The following CLVS1 variants were observed in gnomAD, a reference collection of about 807,000 sequenced individuals.
The protein encoded by CLVS1 is clavesin 1.
A neutral mutation model predicts 33.1 loss-of-function variants in CLVS1; 10 were observed. That is an observed-to-expected ratio of 0.30 (90% CI 0.19 to 0.51). The LOEUF is 0.51. Among genes scored for constraint, CLVS1 ranks in the 20% least tolerant of loss-of-function variants. The pLI, the probability that CLVS1 is intolerant of heterozygous loss-of-function variation, is 0.97. For missense variants in CLVS1, 343 were observed against 433.4 expected (o/e 0.79, Z 1.85); for synonymous variants, 163 against 166.1 (o/e 0.98, Z 0.14).
Position 61,075,411 on chromosome 8 carries a change from A to C in CLVS1, c.-243+18181A>C, listed in dbSNP as rs373659793. Among the ~76,000 whole-genome samples the C allele has an allele frequency of 3.7e-4, 57 of 152,304 alleles. No homozygotes were observed. The South Asian group carries it at 0.012, about 32-fold the overall frequency. Reference sequence around the variant, plus strand: ...CCATAAGCACCCTCCAGTGTTGACAAAGCTCCAACATCTGCAAAGGCTGAA... The same window carrying C: ...CCATAAGCACCCTCCAGTGTTGACACAGCTCCAACATCTGCAAAGGCTGAA... On this transcript the variant is annotated intron_variant, in intron 1 of 2. Coordinates refer to the CLVS1 transcript ENST00000522621.
chr8:61,306,021 C>A (rs1810613503), intron 2 of CLVS1, among the ~76,000 whole-genome samples: 1 of 152,134 alleles, frequency 6.6e-6, no homozygotes, highest in Non-Finnish European at 1.5e-5. Context: ...GTGTCTTTAA[C>A]AGAATGATTT....
At chr8:61,461,942 C>T (rs750670152) in intron 5 of CLVS1, among the ~76,000 whole-genome samples, 3 of 150,360 alleles carry the variant, frequency 2.0e-5, no homozygotes, top group Non-Finnish European at 4.5e-5. Flanking sequence ...ATTTTGTTTT[C>T]ATCTTTATTT....
intron 2 of CLVS1, among the ~76,000 whole-genome samples, chr8:61,227,319 G>A (rs994580260): frequency 2.7e-5 from 4 of 149,916 alleles, no homozygotes; most frequent in African/African-American, 4.9e-5. Context: ...AATATGTTGA[G>A]GTCTTATAAT....
At chr8:61,266,618 C>T (rs1809308332) in intron 2 of CLVS1, among the ~76,000 whole-genome samples, 1 of 152,272 alleles carries the variant, frequency 6.6e-6, no homozygotes, top group East Asian at 1.9e-4. Context: ...AGCCTCTTTG[C>T]TCCTTCCTGT....
intron 2 of CLVS1, among the ~76,000 whole-genome samples, chr8:61,257,890 T>A (rs1809119221): frequency 6.6e-6 from 1 of 152,218 alleles, no homozygotes; most frequent in South Asian, 2.1e-4. Flanking sequence ...ATAGGAGACT[T>A]GCTATGCATT....
rs150999479 is a variant in CLVS1 at position 61,226,240 on chromosome 8, G to A, written c.-151-73437G>A. Among the ~76,000 whole-genome samples, 219 of 152,250 alleles carry A rather than the reference G, an allele frequency of 1.4e-3. 1 individual carries two copies. Among genetic ancestry groups the A allele is most frequent in the Admixed American group, 3.8e-3 (58 of 15,288 alleles). ...TCCAGAAACAAAAAAGCACAAGCTGGTCATATCATTAGTTTTATAAAACCT... is the reference window on the plus strand; with the variant it reads ...TCCAGAAACAAAAAAGCACAAGCTGATCATATCATTAGTTTTATAAAACCT... On this transcript the variant is annotated intron_variant, in intron 2 of 2. Transcript: ENST00000522621.
At chr8:60,996,286 A>C in the CLVS1 span, among the ~76,000 whole-genome samples, 1 of 152,212 alleles carries the variant, frequency 6.6e-6, no homozygotes, top group African/African-American at 2.4e-5. Flanking sequence ...TTTTGCTTTT[A>C]CTGGTCACAT....
At chr8:61,216,324 T>G (rs1808084833) in intron 2 of CLVS1, among the ~76,000 whole-genome samples, 1 of 152,160 alleles carries the variant, frequency 6.6e-6, no homozygotes, top group African/African-American at 2.4e-5. Context: ...ATCCCCAAAG[T>G]CTTGCTAGCC....
intron 3 of CLVS1, among the ~76,000 whole-genome samples, chr8:61,378,889 A>T (rs1813755348): frequency 6.6e-6 from 1 of 152,172 alleles, no homozygotes; most frequent in African/African-American, 2.4e-5. Flanking sequence ...GTCTTGAAAA[A>T]GCCGTAAGTG....
intron 1 of CLVS1, among the ~76,000 whole-genome samples, chr8:61,083,112 G>T (rs1805054382): frequency 6.6e-6 from 1 of 152,170 alleles, no homozygotes; most frequent in Non-Finnish European, 1.5e-5. Flanking sequence ...GGAAAATGTT[G>T]TAAGTAGGAA....
At chr8:61,298,884 G>T (rs1290056174) in intron 1 of CLVS1, among the ~76,000 whole-genome samples, 1 of 152,148 alleles carries the variant, frequency 6.6e-6, no homozygotes, top group African/African-American at 2.4e-5. Flanking sequence ...AAACAGGCAG[G>T]TTATATACAA....
At chr8:61,071,797 A>G (rs1804801427) in intron 1 of CLVS1, among the ~76,000 whole-genome samples, 1 of 152,222 alleles carries the variant, frequency 6.6e-6, no homozygotes. Context: ...AAGTACATGC[A>G]AATGCACATA....
intron 2 of CLVS1, among the ~76,000 whole-genome samples, chr8:61,279,805 CCAGTTT>C (rs1809634377): frequency 6.6e-6 from 1 of 152,150 alleles, no homozygotes; most frequent in Middle Eastern, 3.4e-3. Flanking sequence ...AATATTTTAT[CCAGTTT>C]CAGAGTCTGA....
At chr8:61,489,275 T>C (rs1262810718) in intron 5 of CLVS1, among the ~76,000 whole-genome samples, 3 of 152,232 alleles carry the variant, frequency 2.0e-5, no homozygotes, top group Non-Finnish European at 4.4e-5. Context: ...CATTTACTAA[T>C]GTGAATATGC....
chr8:61,438,118 A>G (rs1186507882), intron 3 of CLVS1, among the ~76,000 whole-genome samples: 1 of 152,184 alleles, frequency 6.6e-6, no homozygotes, highest in African/African-American at 2.4e-5. Context: ...CTATCAACCC[A>G]TCACCTAGGT....
chr8:61,264,055 C>T (rs1809257752), intron 2 of CLVS1, among the ~76,000 whole-genome samples: 1 of 152,054 alleles, frequency 6.6e-6, no homozygotes, highest in Admixed American at 6.5e-5. Context: ...AATTTCTCTT[C>T]AAGCTGAAAC....
chr8:60,983,250 G>A, the CLVS1 span, among the ~76,000 whole-genome samples: 6 of 152,088 alleles, frequency 3.9e-5, no homozygotes, highest in Non-Finnish European at 7.4e-5. Context: ...GTTAGCAGGC[G>A]CTCACATAAT....
At chr8:61,175,335 T>C (rs1807093626) in intron 2 of CLVS1, among the ~76,000 whole-genome samples, 1 of 152,130 alleles carries the variant, frequency 6.6e-6, no homozygotes, top group East Asian at 1.9e-4. Flanking sequence ...GAGGACACAG[T>C]GAGAAGGCAC....
At chr8:61,498,551 T>G (rs1053899180) in intron 5 of CLVS1, among the ~76,000 whole-genome samples, 1 of 152,232 alleles carries the variant, frequency 6.6e-6, no homozygotes, top group African/African-American at 2.4e-5. Context: ...AGCTGGAAAA[T>G]AATTTGGTTT....
Sources: allele counts gnomAD v4.1 joint callset (sites outside exome capture counted in the v4.1 genomes callset), GRCh38; gene constraint gnomAD v4.1.1; transcripts MANE v1.5; gene names NCBI Gene and HGNC (gene_info 2026-07-23, HGNC 2026-07-21).